Variants in LIMS1 observed in about 807,000 individuals in gnomAD.
LIMS1 encodes LIM and senescent cell antigen-like-containing domain protein 1.
A neutral mutation model predicts 44.1 loss-of-function variants in LIMS1; 18 were observed. The ratio of observed to expected loss-of-function variants is 0.41; its 90% CI spans 0.28 to 0.61. The LOEUF (loss-of-function observed/expected upper bound fraction) is 0.61, where lower values mean the gene tolerates loss of function less well. Ranked by LOEUF, LIMS1 falls within the 20% of genes least tolerant of loss-of-function variation. The pLI is 0.32. For synonymous variants in LIMS1, 93 were observed against 149.1 expected (o/e 0.62, Z 2.74); for missense variants, 201 against 422.0 (o/e 0.48, Z 4.59).
At chr2:108,578,861 TG>T (rs1283219525) in intron 1 of LIMS1, among the ~76,000 whole-genome samples, 1 of 152,220 alleles carries the variant, frequency 6.6e-6, no homozygotes, top group Non-Finnish European at 1.5e-5. Context: ...CCCAAAGTGC[TG>T]GGATTACAGG....
At chr2:108,624,587 T>TCTCTA (rs1688453100) in intron 1 of LIMS1, among the ~76,000 whole-genome samples, 1 of 149,606 alleles carries the variant, frequency 6.7e-6, no homozygotes, top group Non-Finnish European at 1.5e-5. Context: ...TGAAACCCCA[T>TCTCTA]CTCTACTAAA....
At chr2:108,551,929 A>ATGTG (rs1213737564) in intron 1 of LIMS1, among the ~76,000 whole-genome samples, 48 of 135,726 alleles carry the variant, frequency 3.5e-4, no homozygotes, top group Middle Eastern at 3.9e-3. Context: ...ATGTGTATAT[A>ATGTG]TGTGTGTGTG....
chr2:108,566,015 T>A (rs922816718), intron 1 of LIMS1, among the ~76,000 whole-genome samples: 1 of 152,178 alleles, frequency 6.6e-6, no homozygotes, highest in Non-Finnish European at 1.5e-5. Flanking sequence ...ACACAAACAT[T>A]CACACCATAG....
intron 1 of LIMS1, chr2:108,607,113 C>A: frequency 1.1e-6 from 1 of 932,116 alleles, no homozygotes; most frequent in Non-Finnish European, 1.6e-6. Context: ...GAGATTACTG[C>A]CCTTATAAAA....
intron 1 of LIMS1, among the ~76,000 whole-genome samples, chr2:108,634,227 T>G (rs950614065): frequency 2.0e-5 from 3 of 152,174 alleles, no homozygotes; most frequent in Non-Finnish European, 4.4e-5. Context: ...ACTGCAGGGC[T>G]CTCTGGTGTG....
intron 1 of LIMS1, among the ~76,000 whole-genome samples, chr2:108,551,929 A>ATG (rs1213737564): frequency 0.015 from 1,983 of 135,680 alleles, 18 homozygotes; most frequent in Non-Finnish European, 0.019. Flanking sequence ...ATGTGTATAT[A>ATG]TGTGTGTGTG....
intron 1 of LIMS1, among the ~76,000 whole-genome samples, chr2:108,653,159 C>T (rs1690619434): frequency 6.6e-6 from 1 of 151,774 alleles, no homozygotes; most frequent in Admixed American, 6.6e-5. Flanking sequence ...GTACCCACTC[C>T]CTCATCTTTT....
At chr2:108,619,363 T>C (rs910514726) in intron 1 of LIMS1, among the ~76,000 whole-genome samples, 1 of 150,822 alleles carries the variant, frequency 6.6e-6, no homozygotes, top group African/African-American at 2.4e-5. Context: ...TTCTGTTCTT[T>C]TTTTTTTTTT....
At chr2:108,583,531 A>G (rs1685969037) in intron 1 of LIMS1, among the ~76,000 whole-genome samples, 1 of 152,206 alleles carries the variant, frequency 6.6e-6, no homozygotes, top group South Asian at 2.1e-4. Context: ...AGCACTTGAT[A>G]GATTGGGTAA....
In LIMS1 at chr2:108,534,423, G is replaced by A. The variant is rs1684041782; in HGVS notation, c.-140G>A. 1.0e-5 allele frequency: 5 copies of A among 498,004 alleles called. No individual in the cohort carries two copies. The South Asian group carries it at 3.6e-4, about 36-fold the overall frequency. 30.8% of individuals were successfully genotyped at this position (498,004 alleles called of 1,614,324 possible). ...GCCTTCCCCCCCCTCCCGCGCCCCC[G>A]CGCGGCCGGCCCCTGGCCTTCCTCC... On this transcript the variant is annotated 5_prime_UTR_variant, in exon 1 of 10. Transcript: ENST00000544547.
At chr2:108,657,469 C>A (rs1369056349) in intron 1 of LIMS1, among the ~76,000 whole-genome samples, 1 of 152,298 alleles carries the variant, frequency 6.6e-6, no homozygotes, top group African/African-American at 2.4e-5. Context: ...TGAGAATGAC[C>A]AGGCAGATGT....
At chr2:108,649,038 G>T (rs1690273274) in intron 1 of LIMS1, among the ~76,000 whole-genome samples, 1 of 152,140 alleles carries the variant, frequency 6.6e-6, no homozygotes, top group Admixed American at 6.5e-5. Context: ...TCATCAGAGT[G>T]AACAGACAAC....
chr2:108,644,361 G>A (rs1689918848), intron 1 of LIMS1, among the ~76,000 whole-genome samples: 1 of 152,200 alleles, frequency 6.6e-6, no homozygotes, highest in South Asian at 2.1e-4. Flanking sequence ...ACAGGGTCTG[G>A]AGCGGACCTC....
intron 1 of LIMS1, among the ~76,000 whole-genome samples, chr2:108,552,588 GTGTGTGT>G (rs1558784745): frequency 4.1e-5 from 4 of 97,656 alleles, no homozygotes; most frequent in Non-Finnish European, 8.4e-5. Flanking sequence ...TATTTTGGGT[GTGTGTGT>G]GTGTGTGTGT....
intron 1 of LIMS1, among the ~76,000 whole-genome samples, chr2:108,629,063 A>G (rs190522249): frequency 1.3e-3 from 197 of 152,320 alleles, no homozygotes; most frequent in African/African-American, 4.4e-3. Flanking sequence ...TTGTCTATCT[A>G]TGTTGCCATC....
At chr2:108,650,673 G>A (rs1295721930) in intron 1 of LIMS1, among the ~76,000 whole-genome samples, 4 of 151,994 alleles carry the variant, frequency 2.6e-5, no homozygotes, top group Non-Finnish European at 4.4e-5. Flanking sequence ...TGATCCACCC[G>A]CCTCGGCCTC....
Position 108,575,392 on chromosome 2 carries a change from ATAG to A in LIMS1, c.32+40802_32+40804del, listed in dbSNP as rs368915423. 3.3e-3 allele frequency among the ~76,000 whole-genome samples: 500 copies of A among 152,370 alleles called. 2 individuals are homozygous for A. Among genetic ancestry groups the A allele is most frequent in the African/African-American group, 0.011 (459 of 41,590 alleles). ...ACCTGAGTCCTCTCAGTTAGCTGAA[ATAG>A]TAGAGATTTGCTGCCCTTACGGCTC... On this transcript the variant is annotated intron_variant, in intron 1 of 9. Coordinates refer to ENST00000544547, the Ensembl canonical transcript of LIMS1.
chr2:108,666,211 G>A (rs1287765157), intron 2 of LIMS1, among the ~76,000 whole-genome samples: 1 of 152,206 alleles, frequency 6.6e-6, no homozygotes, highest in Non-Finnish European at 1.5e-5. Context: ...TGGCTGACAT[G>A]CTCTGTAAAT....
intron 1 of LIMS1, among the ~76,000 whole-genome samples, chr2:108,574,252 G>C (rs1302863237): frequency 6.6e-6 from 1 of 152,182 alleles, no homozygotes; most frequent in Non-Finnish European, 1.5e-5. Flanking sequence ...CAAGATCAGG[G>C]AAGGGGCTTT....
Sources: allele counts gnomAD v4.1 joint callset (sites outside exome capture counted in the v4.1 genomes callset), GRCh38; gene constraint gnomAD v4.1.1; transcripts MANE v1.5; gene names NCBI Gene and HGNC (gene_info 2026-07-23, HGNC 2026-07-21).